The following CYTH1 variants were observed in gnomAD, a reference collection of about 807,000 sequenced individuals.
CYTH1 encodes the protein cytohesin-1.
CYTH1 carries 18 observed loss-of-function variants against 61.8 expected under a neutral mutation model. That is an observed-to-expected ratio of 0.29 (90% confidence interval 0.20 to 0.43). The LOEUF is 0.43. Among genes scored for constraint, CYTH1 ranks in the 20% least tolerant of loss-of-function variants. CYTH1 has a pLI of 1.00. For missense variants in CYTH1, 336 were observed against 510.5 expected (o/e 0.66, Z 3.29); for synonymous variants, 174 against 184.3 (o/e 0.94, Z 0.45).
At position 78,744,440 on chromosome 17, in the gene CYTH1, CA is replaced by C. The variant is rs1248554339; in HGVS notation, c.23-34709del. Reference sequence around the variant, plus strand: ...AGACAGCTTAGGGCATACAATCACGCAAGTGTCCTCCAAAGTCCCGAAGAAC... The same window carrying C: ...AGACAGCTTAGGGCATACAATCACGCAGTGTCCTCCAAAGTCCCGAAGAAC... On this transcript the variant is annotated intron_variant, in intron 1 of 13. Transcript: ENST00000446868. 2.0e-5 allele frequency among the ~76,000 whole-genome samples: 3 copies of C among 152,276 alleles called. No individual in the cohort carries two copies. In the East Asian group the frequency reaches 5.8e-4, roughly 29 times the overall value.
At position 78,768,835 on chromosome 17, in the gene CYTH1, C is replaced by T. The variant is rs370764526; in HGVS notation, c.22+13367G>A. Among the ~76,000 whole-genome samples the T allele has an allele frequency of 7.9e-5, 12 of 152,104 alleles. 4 individuals are homozygous for T. Among genetic ancestry groups the T allele is most frequent in the Admixed American group, 6.6e-5 (1 of 15,248 alleles). On this transcript the variant is annotated intron_variant, in intron 1 of 13. Coordinates refer to ENST00000446868, the MANE Select transcript of CYTH1 (RefSeq NM_004762.6). ...ACCTGCTTCCTTTCTCTCTCCCTTC[C>T]CCCTCTTGGCAAAAATAAAAAATAA...
intron 5 of CYTH1, 109 bp from the exon 6 acceptor site, chr17:78,701,860 C>T (rs2093013677): frequency 8.9e-7 from 1 of 1,120,434 alleles, no homozygotes; most frequent in African/African-American, 1.5e-5. Flanking sequence ...TCCTGTGGCT[C>T]CTGCCCAGAC....
At chr17:78,772,606 C>T (rs1188463176) in intron 1 of CYTH1, among the ~76,000 whole-genome samples, 10 of 152,160 alleles carry the variant, frequency 6.6e-5, no homozygotes, top group Non-Finnish European at 1.2e-4. Context: ...GGCGCGATCT[C>T]GGCTCACTGC....
chr17:78,739,352 G>A (rs886740439), intron 1 of CYTH1, among the ~76,000 whole-genome samples: 3 of 152,208 alleles, frequency 2.0e-5, no homozygotes, highest in Non-Finnish European at 2.9e-5. Flanking sequence ...CCCTCGTGGC[G>A]TCTCCACTCT....
chr17:78,776,786 T>C (rs1359852973), intron 1 of CYTH1, among the ~76,000 whole-genome samples: 1 of 150,084 alleles, frequency 6.7e-6, no homozygotes, highest in African/African-American at 2.4e-5. Context: ...ATGGTTTGTC[T>C]GGTGGGACTC....
chr17:78,770,956 C>T lies in CYTH1; in HGVS notation c.22+11246G>A, dbSNP rs183156095. Reference sequence around the variant, plus strand: ...CAGCATGGCCAACATGGTGAAACACCGTCTCTCCTAAAAATACAAAAACTG... The same window carrying T: ...CAGCATGGCCAACATGGTGAAACACTGTCTCTCCTAAAAATACAAAAACTG... On this transcript the variant is annotated intron_variant, in intron 1 of 13. Transcript: ENST00000446868. Among the ~76,000 whole-genome samples, 213 of 152,058 alleles carry T rather than the reference C, an allele frequency of 1.4e-3. 2 individuals carry two copies. Among genetic ancestry groups the T allele is most frequent in the African/African-American group, 5.0e-3 (206 of 41,468 alleles).
Position 78,711,312 on chromosome 17 carries a change from T to TACACAC in CYTH1, c.23-1581_23-1580insGTGTGT, listed in dbSNP as rs1250252067. Among the ~76,000 whole-genome samples the TACACAC allele has an allele frequency of 7.6e-3, 1,000 of 132,068 alleles. 7 individuals carry two copies. The highest frequency in any genetic ancestry group is 0.024 in the African/African-American group (923 of 38,186). 86.6% of individuals were successfully genotyped at this position (132,068 alleles called of 152,430 possible). The stretch of plus-strand genomic sequence containing the variant: ...AATAAATAAATAAATAATATATATA[T>TACACAC]ATACACACACACACACACACACACA... On this transcript the variant is annotated intron_variant, in intron 1 of 13. Coordinates refer to ENST00000446868, the MANE Select transcript of CYTH1 (RefSeq NM_004762.6).
chr17:78,695,646 T>A (rs1052795303), intron 10 of CYTH1, among the ~76,000 whole-genome samples: 1 of 152,162 alleles, frequency 6.6e-6, no homozygotes, highest in Non-Finnish European at 1.5e-5. Flanking sequence ...TAACTTTCAA[T>A]CAGGCTGATT....
At position 78,676,162 on chromosome 17, in the gene CYTH1, T is replaced by C; in HGVS notation, c.1126A>G (p.Ile376Val). 1 of 1,608,166 alleles carries C rather than the reference T, an allele frequency of 6.2e-7. No individual in the cohort carries two copies. The highest frequency in any genetic ancestry group is 8.5e-7 in the Non-Finnish European group (1 of 1,177,500). Residue 376 changes from isoleucine (I) to valine (V), a missense_variant, in exon 14 of 14, where the codon ATC becomes GTC. This residue lies in a region of CYTH1 where 83 missense variants were observed against 115.6 expected (regional missense o/e 0.72). Transcript: ENST00000446868. ...ATTTCGTAGAAAGGGTCCCTGCTGATGGCTGCTCTGGAGCACAGAAAAGGG... is the reference window on the plus strand; with the variant it reads ...ATTTCGTAGAAAGGGTCCCTGCTGACGGCTGCTCTGGAGCACAGAAAAGGG... ...EEWIKCIKAAISRDPFYEMLA... is the reference protein window; with the variant it reads ...EEWIKCIKAAVSRDPFYEMLA...
At chr17:78,709,575 A>G in intron 2 of CYTH1, 75 bp downstream of exon 2, 1 of 1,517,096 alleles carries the variant, frequency 6.6e-7, no homozygotes, top group Non-Finnish European at 9.1e-7. Flanking sequence ...ACACTCTGCA[A>G]AGGACACCCT....
At chr17:78,770,908 C>A (rs1478446527) in intron 1 of CYTH1, among the ~76,000 whole-genome samples, 1 of 151,684 alleles carries the variant, frequency 6.6e-6, no homozygotes, top group African/African-American at 2.4e-5. Context: ...CAGGCATATT[C>A]CTTGAGCTCA....
chr17:78,752,308 T>G (rs1256531739), intron 1 of CYTH1, among the ~76,000 whole-genome samples: 1 of 152,200 alleles, frequency 6.6e-6, no homozygotes, highest in Non-Finnish European at 1.5e-5. Flanking sequence ...TTAATAAGCA[T>G]TTTTATAGAG....
At chr17:78,678,984 C>T (rs1362185396) in intron 13 of CYTH1, among the ~76,000 whole-genome samples, 1 of 152,234 alleles carries the variant, frequency 6.6e-6, no homozygotes, top group Admixed American at 6.5e-5. Context: ...TTTCAGATTA[C>T]TTTTGAGAGG....
rs576320196 is a variant in CYTH1, at chr17:78,700,419, T to C, written c.462A>G (p.Leu154=). ...GGTCGATCTTCTGGGCCTCTCCGGG[T>C]AGCCGGAAGCTCCACAGGAACTGCC... ...ALRQFLWSFR[L]PGEAQKIDRM... The change falls in exon 7 of 14, where the codon CTA becomes CTG. Residue 154 remains leucine (L), a synonymous_variant. Coordinates refer to ENST00000446868, the MANE Select transcript of CYTH1 (RefSeq NM_004762.6). This position sits in a 1 kb window ranked among gnomAD's most constrained non-coding sequence, Gnocchi z 5.1. 2.9e-5 allele frequency: 47 copies of C among 1,613,262 alleles called. No homozygotes were observed. The South Asian group carries it at 4.7e-4, about 16-fold the overall frequency.
intron 1 of CYTH1, among the ~76,000 whole-genome samples, chr17:78,712,733 A>G (rs191226592): frequency 2.6e-5 from 4 of 152,228 alleles, no homozygotes; most frequent in African/African-American, 9.6e-5. Flanking sequence ...ATAATTACCT[A>G]ATATACTGAG....
At position 78,674,989 on chromosome 17, in the gene CYTH1, C is replaced by G. The variant is rs1567816168; in HGVS notation, c.*1102G>C. ...CCATCTTCCCCTCTAGGGGGCCCAC[C>G]ACAAAATGCATCCAGAGTAGTCCAG... On this transcript the variant is annotated 3_prime_UTR_variant, in exon 14 of 14. Transcript: ENST00000446868. 1 of 152,374 alleles carries G rather than the reference C, an allele frequency of 6.6e-6. No individual in the cohort carries two copies. Among genetic ancestry groups the G allele is most frequent in the Admixed American group, 6.5e-5 (1 of 15,284 alleles). 9.4% of individuals were successfully genotyped at this position (152,374 alleles called of 1,614,324 possible).
intron 1 of CYTH1, among the ~76,000 whole-genome samples, chr17:78,781,742 C>A (rs2093518973): frequency 6.6e-6 from 1 of 152,030 alleles, no homozygotes; most frequent in African/African-American, 2.4e-5. Context: ...CGCCCCGAGC[C>A]CCGCAGAGGG....
intron 1 of CYTH1, among the ~76,000 whole-genome samples, chr17:78,773,331 CA>C (rs1367868499): frequency 4.7e-5 from 7 of 149,260 alleles, no homozygotes; most frequent in African/African-American, 7.4e-5. Context: ...ATTATAGTTT[CA>C]AAAAAAAAAT....
At chr17:78,734,432 C>CATT (rs2093310657) in intron 1 of CYTH1, among the ~76,000 whole-genome samples, 1 of 62,720 alleles carries the variant, frequency 1.6e-5, no homozygotes. Flanking sequence ...TAAAAAAAAG[C>CATT]TTTTTTTTTT....
Sources: gnomAD v4.1 joint callset for allele counts (sites outside exome capture counted in the v4.1 genomes callset) on GRCh38, gnomAD v4.1.1 for gene constraint, gnomAD v4.1.1 regional missense constraint, Gnocchi (gnomAD v3.1) non-coding constraint, MANE v1.5 for transcripts, NCBI Gene and HGNC (gene_info 2026-07-23, HGNC 2026-07-21) for gene names.